MRPS28: variants seen among roughly 807,000 people sequenced by gnomAD.
The protein encoded by MRPS28 is small ribosomal subunit protein bS1m.
Under a neutral mutation model 10.8 loss-of-function variants are expected in MRPS28, and 7 were observed. The observed-to-expected ratio is 0.65, with a 90% CI of 0.37 to 1.22. The LOEUF (loss-of-function observed/expected upper bound fraction) is 1.22, where lower values mean the gene tolerates loss of function less well. MRPS28 is among the 50% of genes most tolerant of loss of function. MRPS28 has a pLI of 0.02. For missense variants in MRPS28, 265 were observed against 232.9 expected (o/e 1.14, Z -0.90); for synonymous variants, 121 against 93.3 (o/e 1.30, Z -1.71).
chr8:80,026,349 T>C (rs1273772163), intron 1 of MRPS28, among the ~76,000 whole-genome samples: 2 of 152,250 alleles, frequency 1.3e-5, no homozygotes, highest in African/African-American at 4.8e-5. Context: ...TTTCAATTTC[T>C]TACTACTCTT....
chr8:79,991,785 A>C (rs1008046266), intron 2 of MRPS28, among the ~76,000 whole-genome samples: 5 of 152,238 alleles, frequency 3.3e-5, no homozygotes, highest in Admixed American at 1.3e-4. Flanking sequence ...TAAAAGGCAA[A>C]GCCCAATTCC....
intron 2 of MRPS28, among the ~76,000 whole-genome samples, chr8:79,951,512 C>T (rs138378131): frequency 8.5e-4 from 130 of 152,230 alleles, no homozygotes; most frequent in African/African-American, 2.6e-3. Flanking sequence ...GATTAACTTC[C>T]CCACCCCTAC....
At chr8:79,994,256 G>C (rs2130130775) in intron 2 of MRPS28, among the ~76,000 whole-genome samples, 1 of 152,156 alleles carries the variant, frequency 6.6e-6, no homozygotes. Context: ...TAACCACAGG[G>C]ATTTTATACA....
At chr8:79,947,534 T>C (rs1376321171) in intron 2 of MRPS28, among the ~76,000 whole-genome samples, 2 of 152,064 alleles carry the variant, frequency 1.3e-5, no homozygotes, top group South Asian at 2.1e-4. Flanking sequence ...CTTCTAATCA[T>C]CTCTCCACTT....
In MRPS28 at chr8:79,947,560, AATT is replaced by A. The variant is rs556748017; in HGVS notation, c.396-28415_396-28413del. 6.6e-3 allele frequency among the ~76,000 whole-genome samples: 1,003 copies of A among 151,412 alleles called. 7 individuals carry two copies. Among genetic ancestry groups the A allele is most frequent in the Non-Finnish European group, 8.3e-3 (561 of 67,862 alleles). ...CTCTCCACTTATTTAGCTCTTGTTT[AATT>A]TCCTGTTGTTGTATTTTGTAGTTTT... is the stretch of plus-strand genomic sequence containing the variant. On this transcript the variant is annotated intron_variant, in intron 2 of 2. Coordinates refer to ENST00000276585, the MANE Select transcript of MRPS28 (RefSeq NM_014018.3).
chr8:80,017,484 C>T (rs1213331735), intron 1 of MRPS28, among the ~76,000 whole-genome samples: 7 of 152,208 alleles, frequency 4.6e-5, no homozygotes, highest in East Asian at 1.9e-4. Context: ...TCTATACCCA[C>T]AGATTTGATA....
intron 1 of MRPS28, among the ~76,000 whole-genome samples, chr8:80,014,952 G>C (rs1017882574): frequency 6.6e-6 from 1 of 152,196 alleles, no homozygotes; most frequent in East Asian, 1.9e-4. Flanking sequence ...CAAATGTGGA[G>C]AGACAAGTGA....
chr8:79,956,860 C>A (rs1312257364), intron 2 of MRPS28: 1 of 152,078 alleles, frequency 6.6e-6, no homozygotes, highest in Admixed American at 6.6e-5. Context: ...TTTTCTGCAC[C>A]TACACTGGGT....
chr8:79,938,380 C>G (rs1275681714), intron 2 of MRPS28, among the ~76,000 whole-genome samples: 1 of 150,762 alleles, frequency 6.6e-6, no homozygotes, highest in Non-Finnish European at 1.5e-5. Flanking sequence ...AGCTAGTAAA[C>G]AGTAGAGGTA....
chr8:79,994,581 C>A (rs1179840362), intron 2 of MRPS28, among the ~76,000 whole-genome samples: 1 of 152,090 alleles, frequency 6.6e-6, no homozygotes, highest in Admixed American at 6.6e-5. Flanking sequence ...TGTCTCCTTT[C>A]TCCACCCTCA....
chr8:79,935,323 CTCTTT>C (rs1248349554), intron 2 of MRPS28, among the ~76,000 whole-genome samples: 1 of 152,168 alleles, frequency 6.6e-6, no homozygotes, highest in Non-Finnish European at 1.5e-5. Flanking sequence ...ACAAAACTGG[CTCTTT>C]TCTTTTTTTC....
chr8:79,937,020 C>T (rs1806621934), intron 2 of MRPS28, among the ~76,000 whole-genome samples: 1 of 152,030 alleles, frequency 6.6e-6, no homozygotes. Flanking sequence ...GCCACCACGC[C>T]CCGCTAATTT....
chr8:79,990,093 G>A (rs1808316389), intron 2 of MRPS28, among the ~76,000 whole-genome samples: 1 of 152,206 alleles, frequency 6.6e-6, no homozygotes, highest in Non-Finnish European at 1.5e-5. Context: ...CCCAGGAGGT[G>A]GAGGTTGCAG....
In MRPS28 at chr8:79,949,762, G is replaced by GTC. The variant is rs199622068; in HGVS notation, c.396-30616_396-30615dup. The stretch of plus-strand genomic sequence containing the variant: ...AAAAGGATTTGTCAATGAACACCAA[G>GTC]TCTCTGAAACAGGACAAAGGGAAGC... On this transcript the variant is annotated intron_variant, in intron 2 of 2. Transcript: ENST00000276585. Among the ~76,000 whole-genome samples, 537 of 152,202 alleles carry GTC rather than the reference G, an allele frequency of 3.5e-3. 2 individuals are homozygous for GTC. The highest frequency in any genetic ancestry group is 0.012 in the African/African-American group (490 of 41,532).
chr8:79,977,187 G>T (rs1807824982), intron 2 of MRPS28, among the ~76,000 whole-genome samples: 1 of 152,190 alleles, frequency 6.6e-6, no homozygotes, highest in Non-Finnish European at 1.5e-5. Flanking sequence ...ATCTGTAGCT[G>T]AAAAGATTGG....
At chr8:79,959,380 G>A (rs1053468309) in intron 2 of MRPS28, among the ~76,000 whole-genome samples, 1 of 152,006 alleles carries the variant, frequency 6.6e-6, no homozygotes, top group Non-Finnish European at 1.5e-5. Context: ...ATTTTTAATA[G>A]TTATAGGAAA....
At chr8:79,931,535 A>G (rs1171105942) in intron 2 of MRPS28, among the ~76,000 whole-genome samples, 3 of 152,218 alleles carry the variant, frequency 2.0e-5, no homozygotes, top group Admixed American at 1.3e-4. Flanking sequence ...AACCCTAGGC[A>G]AGGTATTCAG....
intron 2 of MRPS28, among the ~76,000 whole-genome samples, chr8:79,953,762 C>A (rs559556531): frequency 6.6e-6 from 1 of 152,156 alleles, no homozygotes; most frequent in Admixed American, 6.5e-5. Flanking sequence ...AAAAGGCAAG[C>A]CATAGAGTGG....
chr8:79,984,525 G>A (rs1808090819), intron 2 of MRPS28, among the ~76,000 whole-genome samples: 1 of 152,138 alleles, frequency 6.6e-6, no homozygotes, highest in African/African-American at 2.4e-5. Context: ...GTATTCAGGA[G>A]ACCCATCTCA....
Sources: allele counts gnomAD v4.1 joint callset (sites outside exome capture counted in the v4.1 genomes callset), GRCh38; gene constraint gnomAD v4.1.1; transcripts MANE v1.5; gene names NCBI Gene and HGNC (gene_info 2026-07-23, HGNC 2026-07-21).